Variants in MTMR9 observed in about 807,000 individuals in gnomAD.
The protein encoded by MTMR9 is myotubularin-related protein 9.
A neutral mutation model predicts 69.5 loss-of-function variants in MTMR9; 39 were observed. The ratio of observed to expected loss-of-function variants is 0.56; its 90% CI spans 0.43 to 0.73. MTMR9 has a LOEUF of 0.73. MTMR9 is among the 30% of genes least tolerant of loss of function. The pLI is 0.00. For missense variants in MTMR9, 900 were observed against 671.2 expected (o/e 1.34, Z -3.77); for synonymous variants, 354 against 240.8 (o/e 1.47, Z -4.35).
chr8:11,308,431 C>G (rs1046688759), intron 5 of MTMR9, among the ~76,000 whole-genome samples: 1 of 152,188 alleles, frequency 6.6e-6, no homozygotes, highest in Non-Finnish European at 1.5e-5. Context: ...GTTTTGATTA[C>G]TTTAGCTTTG....
Position 11,306,306 on chromosome 8 carries a change from C to A in MTMR9, c.708C>A (p.Thr236=). The A allele has an allele frequency of 6.2e-7, 1 of 1,614,016 alleles. No individual in the cohort carries two copies. Among genetic ancestry groups the A allele is most frequent in the Non-Finnish European group, 8.5e-7 (1 of 1,179,956 alleles). The change falls in exon 5 of 10, where the codon ACC becomes ACA. Residue 236 remains threonine (T), a synonymous_variant. Coordinates refer to ENST00000221086, the MANE Select transcript of MTMR9 (RefSeq NM_015458.4). The stretch of plus-strand genomic sequence containing the variant: ...GAAAGCGTGGCTACATCATTGACAC[C>A]CGATCCCTGAACGTGGCTCAGCAAA... The part of the protein sequence containing the change: ...RAGKRGYIID[T]RSLNVAQQTR...
intron 2 of MTMR9, chr8:11,297,924 C>T (rs1261433657): frequency 2.2e-6 from 1 of 456,118 alleles, no homozygotes; most frequent in African/African-American, 2.0e-5. Flanking sequence ...GCCCTCCACC[C>T]TTCCCCGAAT....
intron 2 of MTMR9, chr8:11,298,884 G>T: frequency 1.0e-6 from 1 of 984,846 alleles, no homozygotes; most frequent in African/African-American, 1.7e-5. Flanking sequence ...GTAAATATAG[G>T]CCCATTTGGG....
chr8:11,308,314 C>T (rs555153192), intron 5 of MTMR9, among the ~76,000 whole-genome samples: 7 of 152,252 alleles, frequency 4.6e-5, no homozygotes, highest in African/African-American at 1.7e-4. Context: ...ATTGTATGTT[C>T]TCGGCAACTT....
At chr8:11,319,595 C>G in intron 8 of MTMR9, 92 bp from the exon 9 acceptor site, 1 of 1,310,448 alleles carries the variant, frequency 7.6e-7, no homozygotes, top group Non-Finnish European at 1.1e-6. Flanking sequence ...TATCTTCTTT[C>G]ATACTGAGAA....
the MTMR9 span, among the ~76,000 whole-genome samples, chr8:11,336,685 T>C: frequency 3.3e-5 from 5 of 152,246 alleles, no homozygotes; most frequent in African/African-American, 9.6e-5. Context: ...GCTCGACAGG[T>C]CCAATATTTT....
chr8:11,321,400 C>G (rs1426655039), intron 9 of MTMR9: 2 of 456,322 alleles, frequency 4.4e-6, no homozygotes, highest in Non-Finnish European at 8.8e-6. Context: ...GCCACTGTCA[C>G]ATTTAATAAC....
In MTMR9 at chr8:11,304,427, G is replaced by C. The variant is rs191397443; in HGVS notation, c.418-414G>C. Among the ~76,000 whole-genome samples the C allele has an allele frequency of 2.6e-5, 4 of 152,292 alleles. 1 individual carries two copies. The highest frequency in any genetic ancestry group is 9.6e-5 in the African/African-American group (4 of 41,548). On this transcript the variant is annotated intron_variant, in intron 3 of 9. Transcript: ENST00000221086. ...AGGAAGAAGTAGGATGATGTTGGCCGTGATAATTGTGGATGTGCTTAATAT... is the reference window on the plus strand; with the variant it reads ...AGGAAGAAGTAGGATGATGTTGGCCCTGATAATTGTGGATGTGCTTAATAT...
chr8:11,310,191 G>A (rs1545073), intron 6 of MTMR9, among the ~76,000 whole-genome samples: 97,883 of 152,102 alleles, frequency 0.64, 32,651 homozygotes, highest in East Asian at 0.86. Context: ...AGAACACCTA[G>A]TGGTAGTGAT....
At position 11,319,952 on chromosome 8, in the gene MTMR9, C is replaced by T. The variant is rs567945872; in HGVS notation, c.1486+114C>T. 2.3e-4 allele frequency: 229 copies of T among 982,992 alleles called. 1 individual carries two copies. In the African/African-American group the frequency reaches 3.1e-3, roughly 13 times the overall value. 60.9% of individuals were successfully genotyped at this position (982,992 alleles called of 1,614,324 possible). Reference sequence around the variant, plus strand: ...GGTGAGCTGGACGTGGCCCTCAGACCTGTGTGAATTGTCATTCTCAGTGTG... The same window carrying T: ...GGTGAGCTGGACGTGGCCCTCAGACTTGTGTGAATTGTCATTCTCAGTGTG... On this transcript the variant is annotated intron_variant, in intron 9 of 9. Transcript: ENST00000221086.
At chr8:11,329,304 G>T (rs1313950480), downstream of MTMR9, among the ~76,000 whole-genome samples, 2 of 152,214 alleles carry the variant, frequency 1.3e-5, no homozygotes, top group Non-Finnish European at 2.9e-5. Context: ...GGAGTGGGAA[G>T]ATCACTTGAG....
intron 6 of MTMR9, among the ~76,000 whole-genome samples, chr8:11,313,451 A>G (rs1228009629): frequency 1.3e-5 from 2 of 152,226 alleles, no homozygotes; most frequent in Non-Finnish European, 2.9e-5. Context: ...TGCATTCACA[A>G]CTTGATTAAC....
Position 11,321,324 on chromosome 8 carries a change from A to G in MTMR9, c.1487-1301A>G, listed in dbSNP as rs75974261. 573 of 443,168 alleles carry G rather than the reference A, an allele frequency of 1.3e-3. 2 individuals carry two copies. The highest frequency in any genetic ancestry group is 0.011 in the African/African-American group (530 of 49,930). The allele number at this position is 443,168 out of a possible 1,614,324, so 27.5% of individuals were successfully genotyped here. ...TGTCGTCACAGTCAGTACAGGGTTC[A>G]TGATCTCTTAAACGAGAGGTTACAG... On this transcript the variant is annotated intron_variant, in intron 9 of 9. Transcript: ENST00000221086.
chr8:11,322,890 G>C lies in MTMR9; in HGVS notation c.*102G>C. 2 of 1,048,942 alleles carry C rather than the reference G, an allele frequency of 1.9e-6. No individual in the cohort carries two copies. Among genetic ancestry groups the C allele is most frequent in the African/African-American group, 3.2e-5 (2 of 62,384 alleles). The allele number at this position is 1,048,942 out of a possible 1,614,324, so 65.0% of individuals were successfully genotyped here. Reference sequence around the variant, plus strand: ...TTTTACACGGTAGCCTTGAAGTGAAGGCTTTAGATGTGGGACCCCCCTAAT... The same window carrying C: ...TTTTACACGGTAGCCTTGAAGTGAACGCTTTAGATGTGGGACCCCCCTAAT... On this transcript the variant is annotated 3_prime_UTR_variant, in exon 10 of 10. Coordinates refer to ENST00000221086, the MANE Select transcript of MTMR9 (RefSeq NM_015458.4).
At chr8:11,321,544 G>C in intron 9 of MTMR9, 1 of 455,690 alleles carries the variant, frequency 2.2e-6, no homozygotes, top group South Asian at 1.6e-5. Context: ...TTGTTCTGTG[G>C]ATTAAGTCCT....
downstream of MTMR9, among the ~76,000 whole-genome samples, chr8:11,329,980 G>C (rs1260213772): frequency 6.6e-6 from 1 of 151,738 alleles, no homozygotes; most frequent in Non-Finnish European, 1.5e-5. Flanking sequence ...TGTCTGAGAA[G>C]TGAGGAGCCC....
chr8:11,302,375 C>T (rs1799780721), intron 3 of MTMR9, among the ~76,000 whole-genome samples: 1 of 149,806 alleles, frequency 6.7e-6, no homozygotes, highest in African/African-American at 2.5e-5. Flanking sequence ...TTATTGAACC[C>T]TTAAGCTGAG....
intron 6 of MTMR9, among the ~76,000 whole-genome samples, chr8:11,313,288 G>A (rs1001823817): frequency 6.6e-6 from 1 of 152,120 alleles, no homozygotes; most frequent in Non-Finnish European, 1.5e-5. Context: ...CCTTCCTCTG[G>A]ATTAGGCTTT....
intron 6 of MTMR9, among the ~76,000 whole-genome samples, chr8:11,310,263 C>T (rs762867917): frequency 5.3e-5 from 8 of 152,144 alleles, no homozygotes; most frequent in Non-Finnish European, 1.2e-4. Flanking sequence ...GGTTGCTAAT[C>T]CTTGAGTCTT....
Sources: gnomAD v4.1 joint callset for allele counts (sites outside exome capture counted in the v4.1 genomes callset) on GRCh38, gnomAD v4.1.1 for gene constraint, MANE v1.5 for transcripts, NCBI Gene and HGNC (gene_info 2026-07-23, HGNC 2026-07-21) for gene names.